Variants in SORCS1 observed in about 807,000 individuals in gnomAD.
SORCS1 encodes VPS10 domain-containing receptor SorCS1.
SORCS1 carries 60 observed loss-of-function variants against 146.1 expected under a neutral mutation model. The observed-to-expected ratio is 0.41, with a 90% CI of 0.33 to 0.51. SORCS1 has a LOEUF of 0.51. SORCS1 is among the 20% of genes least tolerant of loss of function. The probability of loss-of-function intolerance (pLI) is 0.21; values close to 1 mark genes in which losing one functional copy is unlikely to be tolerated. For synonymous variants in SORCS1, 637 were observed against 584.0 expected (o/e 1.09, Z -1.31); for missense variants, 1,352 against 1,487.6 (o/e 0.91, Z 1.50).
chr10:107,085,865 C>T (rs1436186004), intron 1 of SORCS1, among the ~76,000 whole-genome samples: 1 of 152,170 alleles, frequency 6.6e-6, no homozygotes, highest in Non-Finnish European at 1.5e-5. Context: ...AAGACACTAG[C>T]TCTACATTGT....
chr10:107,120,478 C>CAAGT (rs1966333576), intron 1 of SORCS1, among the ~76,000 whole-genome samples: 1 of 152,168 alleles, frequency 6.6e-6, no homozygotes. Flanking sequence ...AAATTCAAAA[C>CAAGT]AAGTAAGAGG....
At chr10:106,978,368 CTT>C (rs1449257915) in intron 1 of SORCS1, among the ~76,000 whole-genome samples, 1 of 152,092 alleles carries the variant, frequency 6.6e-6, no homozygotes, top group Non-Finnish European at 1.5e-5. Flanking sequence ...CCCTAGGAGT[CTT>C]TATGTGTATA....
intron 1 of SORCS1, among the ~76,000 whole-genome samples, chr10:106,969,655 C>G (rs1438231826): frequency 2.0e-5 from 3 of 152,170 alleles, no homozygotes; most frequent in Non-Finnish European, 4.4e-5. Flanking sequence ...AATTAGATCA[C>G]AAGAAATTAA....
At chr10:106,671,436 C>T in intron 15 of SORCS1, 69 bp from the exon 16 acceptor site, 1 of 1,590,082 alleles carries the variant, frequency 6.3e-7, no homozygotes, top group Non-Finnish European at 8.6e-7. Context: ...ACATGAGTGA[C>T]ATTTAGGGAG....
intron 3 of SORCS1, among the ~76,000 whole-genome samples, chr10:106,792,618 C>T (rs1946370204): frequency 6.6e-6 from 1 of 152,226 alleles, no homozygotes; most frequent in African/African-American, 2.4e-5. Context: ...AGGACTGCAT[C>T]TTAACCATTA....
intron 10 of SORCS1, among the ~76,000 whole-genome samples, chr10:106,680,097 G>A (rs1852326830): frequency 6.6e-6 from 1 of 152,138 alleles, no homozygotes; most frequent in Admixed American, 6.6e-5. Context: ...AATAGTATGA[G>A]ATTCTAGAAG....
At position 107,162,423 on chromosome 10, in the gene SORCS1, T is replaced by C. The variant is rs149884811; in HGVS notation, c.558+1546A>G. Among the ~76,000 whole-genome samples the C allele has an allele frequency of 6.9e-3, 1,055 of 152,322 alleles. 14 individuals are homozygous for C. The highest frequency in any genetic ancestry group is 0.022 in the African/African-American group (930 of 41,574). ...CGAGTTCAAATTAGAGGATTAATTT[T>C]AGTGGCTATGATATGAAAGATATAA... On this transcript the variant is annotated intron_variant, in intron 1 of 25. Coordinates refer to ENST00000263054, the MANE Select transcript of SORCS1 (RefSeq NM_052918.5).
At chr10:106,764,739 C>A (rs1010947873) in intron 4 of SORCS1, among the ~76,000 whole-genome samples, 1 of 152,074 alleles carries the variant, frequency 6.6e-6, no homozygotes, top group African/African-American at 2.4e-5. Flanking sequence ...AAATGCCATT[C>A]TTGGCCGGGC....
intron 2 of SORCS1, among the ~76,000 whole-genome samples, chr10:106,843,841 T>G (rs1015440082): frequency 1.3e-5 from 2 of 152,218 alleles, no homozygotes; most frequent in Non-Finnish European, 1.5e-5. Context: ...TCTTGGCTAT[T>G]GTGAATAATG....
At chr10:106,984,861 A>G (rs1956396567) in intron 1 of SORCS1, among the ~76,000 whole-genome samples, 1 of 152,140 alleles carries the variant, frequency 6.6e-6, no homozygotes, top group Non-Finnish European at 1.5e-5. Context: ...ATTAGTAAAC[A>G]TGAACCACCT....
intron 17 of SORCS1, 100 bp downstream of exon 17, chr10:106,667,589 A>C (rs1851260833): frequency 1.3e-6 from 1 of 779,926 alleles, no homozygotes; most frequent in Non-Finnish European, 2.2e-6. Flanking sequence ...TGCTGTAAGG[A>C]AATATGCTTG....
At chr10:106,599,766 T>A (rs530107775) in intron 23 of SORCS1, among the ~76,000 whole-genome samples, 1 of 151,664 alleles carries the variant, frequency 6.6e-6, no homozygotes, top group South Asian at 2.1e-4. Context: ...TCTTTCTTTC[T>A]TTCTTTTTTT....
intron 1 of SORCS1, among the ~76,000 whole-genome samples, chr10:107,101,749 ATG>A (rs34645920): frequency 0.029 from 4,239 of 147,096 alleles, 207 homozygotes; most frequent in African/African-American, 0.096. Flanking sequence ...TGGGCTAATT[ATG>A]TGTGTGTGTG....
intron 16 of SORCS1, among the ~76,000 whole-genome samples, chr10:106,670,320 T>C (rs145923544): frequency 1.3e-3 from 205 of 152,350 alleles, no homozygotes; most frequent in Non-Finnish European, 2.4e-3. Flanking sequence ...AGAAGGACTT[T>C]ATGGCACTCT....
chr10:106,897,677 T>G (rs1351431180), intron 2 of SORCS1, among the ~76,000 whole-genome samples: 1 of 151,862 alleles, frequency 6.6e-6, no homozygotes, highest in Admixed American at 6.6e-5. Context: ...CACTCAAATT[T>G]CCTTTCAGGA....
intron 1 of SORCS1, among the ~76,000 whole-genome samples, chr10:107,039,764 C>T (rs139867374): frequency 1.2e-4 from 18 of 152,288 alleles, no homozygotes; most frequent in African/African-American, 3.8e-4. Flanking sequence ...CCACAATAAC[C>T]GAAGGTTAAA....
chr10:106,667,864 A>G (rs1447543789), intron 16 of SORCS1, 62 bp from the exon 17 acceptor site: 8 of 1,130,632 alleles, frequency 7.1e-6, no homozygotes, highest in Non-Finnish European at 1.1e-5. Flanking sequence ...AAACAATTCT[A>G]CATCAGTCCA....
intron 2 of SORCS1, among the ~76,000 whole-genome samples, chr10:106,831,349 T>C (rs1948535219): frequency 6.6e-6 from 1 of 152,212 alleles, no homozygotes; most frequent in South Asian, 2.1e-4. Flanking sequence ...CCAGACAGTG[T>C]TGCTAAGTGT....
intron 1 of SORCS1, among the ~76,000 whole-genome samples, chr10:107,014,265 A>G (rs80237453): frequency 0.01 from 1,432 of 137,234 alleles, 13 homozygotes; most frequent in Middle Eastern, 0.017. Flanking sequence ...AAAAAAAAAA[A>G]AAAAAAAGAA....
Sources: allele counts gnomAD v4.1 joint callset (sites outside exome capture counted in the v4.1 genomes callset), GRCh38; gene constraint gnomAD v4.1.1; transcripts MANE v1.5; gene names NCBI Gene and HGNC (gene_info 2026-07-23, HGNC 2026-07-21).